The following TIAM1 variants were observed in gnomAD, a reference collection of about 807,000 sequenced individuals.
The protein encoded by TIAM1 is rho guanine nucleotide exchange factor TIAM1.
In TIAM1, 65 loss-of-function variants were observed where a neutral mutation model predicts 163.5. The ratio of observed to expected loss-of-function variants is 0.40; its 90% CI spans 0.33 to 0.49. TIAM1 has a LOEUF of 0.49. TIAM1 is among the 20% of genes least tolerant of loss of function. The pLI, the probability that TIAM1 is intolerant of heterozygous loss-of-function variation, is 0.77. For synonymous variants in TIAM1, 833 were observed against 810.1 expected (o/e 1.03, Z -0.48); for missense variants, 1,789 against 2,044.7 (o/e 0.87, Z 2.41).
rs1184921815 is a variant in TIAM1, at chr21:31,130,428, A to G, written c.3943-113T>C. The G allele has an allele frequency of 1.0e-5, 8 of 795,156 alleles. No homozygotes were observed. The Admixed American group carries it at 1.3e-4, about 13-fold the overall frequency. 49.3% of individuals were successfully genotyped at this position (795,156 alleles called of 1,614,324 possible). On this transcript the variant is annotated intron_variant, in intron 24 of 27. Transcript: ENST00000541036. ...TCACGCAGTAACTCTAGGCGTGCCC[A>G]AAGGATCTTCACCCCCATGAGCTCC...
intron 1 of TIAM1, among the ~76,000 whole-genome samples, chr21:31,487,748 G>A (rs1357200237): frequency 2.6e-5 from 4 of 151,360 alleles, no homozygotes; most frequent in Non-Finnish European, 2.9e-5. Context: ...TAGTAGAGAC[G>A]GGGTTTCACC....
In TIAM1 at chr21:31,525,762, G is replaced by A. The variant is rs185413297; in HGVS notation, c.-422+33165C>T. 3.4e-3 allele frequency among the ~76,000 whole-genome samples: 519 copies of A among 152,158 alleles called. 3 individuals carry two copies. Among genetic ancestry groups the A allele is most frequent in the African/African-American group, 0.012 (500 of 41,526 alleles). The stretch of plus-strand genomic sequence containing the variant: ...AATTATGTCATCCGACGCCAGGCAC[G>A]GGGGCTCATGTCTGTAACCCCAGCA... On this transcript the variant is annotated intron_variant, in intron 1 of 28. Coordinates refer to the TIAM1 transcript ENST00000286827.
At chr21:31,161,814 G>C (rs2083937207) in intron 16 of TIAM1, among the ~76,000 whole-genome samples, 1 of 152,174 alleles carries the variant, frequency 6.6e-6, no homozygotes, top group Non-Finnish European at 1.5e-5. Flanking sequence ...GCTAACGATT[G>C]AAAAATTAAT....
chr21:31,399,817 A>C (rs2077134439), intron 2 of TIAM1, among the ~76,000 whole-genome samples: 1 of 152,220 alleles, frequency 6.6e-6, no homozygotes, highest in Non-Finnish European at 1.5e-5. Context: ...CAAAGCCAAT[A>C]TACCAGCTCA....
Position 31,124,517 on chromosome 21 carries a change from A to G in TIAM1, c.4306+5T>C. ...GAATCTTGAACGTCCGAATCCCCACAGTACCTGCCCTGCTCATGGCCGGCC... is the reference window on the plus strand; with the variant it reads ...GAATCTTGAACGTCCGAATCCCCACGGTACCTGCCCTGCTCATGGCCGGCC... On this transcript the variant is annotated splice_donor_5th_base_variant and intron_variant, in intron 27 of 27. Coordinates refer to ENST00000541036, the MANE Select transcript of TIAM1 (RefSeq NM_001353694.2). The G allele has an allele frequency of 1.2e-6, 2 of 1,612,440 alleles. No homozygotes were observed. The highest frequency in any genetic ancestry group is 8.5e-7 in the Non-Finnish European group (1 of 1,179,768).
chr21:31,396,186 T>G (rs998364752), intron 2 of TIAM1, among the ~76,000 whole-genome samples: 1 of 152,198 alleles, frequency 6.6e-6, no homozygotes, highest in East Asian at 1.9e-4. Flanking sequence ...AGGGGCTTGT[T>G]TGTGGTTCAA....
At chr21:31,244,302 T>C (rs1462734736) in intron 6 of TIAM1, among the ~76,000 whole-genome samples, 2 of 152,240 alleles carry the variant, frequency 1.3e-5, no homozygotes, top group African/African-American at 4.8e-5. Flanking sequence ...CCTCCTTGCA[T>C]GTTATATTCT....
intron 2 of TIAM1, among the ~76,000 whole-genome samples, chr21:31,364,566 G>A (rs974354713): frequency 2.0e-5 from 3 of 152,182 alleles, no homozygotes; most frequent in African/African-American, 7.2e-5. Context: ...AGATGGAGAG[G>A]AAAGAGCAGC....
At position 31,127,057 on chromosome 21, in the gene TIAM1, A is replaced by G. The variant is rs1462034878; in HGVS notation, c.4133+8T>C. On this transcript the variant is annotated splice_region_variant and intron_variant, in intron 26 of 27. Transcript: ENST00000541036. ...AACACGGCCTCGACTTTACAGGCCC[A>G]GGCTCACCTGCAGCACAAGTGAAAG... 6.2e-7 allele frequency: 1 copy of G among 1,613,780 alleles called. No individual in the cohort carries two copies. The highest frequency in any genetic ancestry group is 2.2e-5 in the East Asian group (1 of 44,874).
intron 23 of TIAM1, among the ~76,000 whole-genome samples, chr21:31,131,236 G>C (rs1489651720): frequency 6.6e-6 from 1 of 152,162 alleles, no homozygotes; most frequent in Non-Finnish European, 1.5e-5. Context: ...ACAATTTCAA[G>C]GTTAAAACTT....
At chr21:31,491,892 A>C (rs1449977958) in intron 1 of TIAM1, among the ~76,000 whole-genome samples, 3 of 152,232 alleles carry the variant, frequency 2.0e-5, no homozygotes, top group African/African-American at 7.2e-5. Flanking sequence ...TAAGAATTTC[A>C]CGTAGGACTC....
At chr21:31,203,693 G>A (rs1458744880) in intron 11 of TIAM1, among the ~76,000 whole-genome samples, 4 of 152,220 alleles carry the variant, frequency 2.6e-5, no homozygotes, top group African/African-American at 9.6e-5. Flanking sequence ...TTAAAGAAAA[G>A]GGTAACAAGA....
intron 1 of TIAM1, among the ~76,000 whole-genome samples, chr21:31,489,624 C>T (rs1195124831): frequency 6.6e-6 from 1 of 151,930 alleles, no homozygotes; most frequent in Non-Finnish European, 1.5e-5. Flanking sequence ...TTGGACCCAT[C>T]ATACCTCTAC....
chr21:31,488,242 T>C (rs1003553347), intron 1 of TIAM1, among the ~76,000 whole-genome samples: 24 of 152,162 alleles, frequency 1.6e-4, no homozygotes, highest in Admixed American at 6.5e-4. Context: ...AGCTTTACAA[T>C]TGGTCCTCAT....
At chr21:31,383,590 A>G (rs2076816410) in intron 2 of TIAM1, among the ~76,000 whole-genome samples, 2 of 152,154 alleles carry the variant, frequency 1.3e-5, no homozygotes, top group Non-Finnish European at 2.9e-5. Flanking sequence ...CTGTACACCT[A>G]TCTCTTTCAG....
intron 5 of TIAM1, among the ~76,000 whole-genome samples, chr21:31,250,827 A>G (rs368659832): frequency 6.6e-6 from 1 of 152,244 alleles, no homozygotes; most frequent in South Asian, 2.1e-4. Flanking sequence ...CAATACGTAC[A>G]TGTACTTCAC....
At chr21:31,224,681 C>T (rs1207031161) in intron 7 of TIAM1, among the ~76,000 whole-genome samples, 2 of 152,010 alleles carry the variant, frequency 1.3e-5, no homozygotes, top group African/African-American at 2.4e-5. Flanking sequence ...CTGAATTGTT[C>T]GTGTTAAAAT....
chr21:31,339,471 A>G (rs773398152), intron 1 of TIAM1, 49 bp from the exon 2 acceptor site: 1 of 398,542 alleles, frequency 2.5e-6, no homozygotes, highest in Non-Finnish European at 4.4e-6. Flanking sequence ...TCGTTTTTAC[A>G]TACCTCTAGA....
chr21:31,170,897 A>G (rs528611671), intron 15 of TIAM1, among the ~76,000 whole-genome samples: 2 of 151,920 alleles, frequency 1.3e-5, no homozygotes, highest in African/African-American at 2.4e-5. Context: ...TTAGCCGGGC[A>G]TGGTGGCACG....
Sources: gnomAD v4.1 joint callset for allele counts (sites outside exome capture counted in the v4.1 genomes callset) on GRCh38, gnomAD v4.1.1 for gene constraint, MANE v1.5 for transcripts, NCBI Gene and HGNC (gene_info 2026-07-23, HGNC 2026-07-21) for gene names.